Variants in PRKG1 observed in about 807,000 individuals in gnomAD.
PRKG1 encodes the protein cGMP-dependent protein kinase 1.
Under a neutral mutation model 88.1 loss-of-function variants are expected in PRKG1, and 35 were observed. The ratio of observed to expected loss-of-function variants is 0.40; its 90% confidence interval spans 0.30 to 0.53. The LOEUF (loss-of-function observed/expected upper bound fraction) is 0.53. Ranked by LOEUF, PRKG1 falls within the 20% of genes least tolerant of loss-of-function variation. The pLI is 0.59. For synonymous variants in PRKG1, 303 were observed against 292.5 expected, an observed-to-expected ratio of 1.04 and a Z score of -0.37; for missense variants, 540 against 839.8, an observed-to-expected ratio of 0.64 and a Z score of 4.41.
chr10:52,047,230 A>G (rs1035426732), intron 5 of PRKG1, among the ~76,000 whole-genome samples: 2 of 152,144 alleles, frequency 1.3e-5, no homozygotes, highest in Admixed American at 1.3e-4. Flanking sequence ...TAGGAAGGAG[A>G]GCATATTAAA....
intron 9 of PRKG1, among the ~76,000 whole-genome samples, chr10:52,239,919 C>T (rs1840814601): frequency 6.6e-6 from 1 of 152,144 alleles, no homozygotes; most frequent in East Asian, 1.9e-4. Context: ...TGGAAAGGCA[C>T]CAGTTTCTAA....
chr10:51,075,176 T>A (rs1243539014), intron 1 of PRKG1, among the ~76,000 whole-genome samples: 2 of 152,104 alleles, frequency 1.3e-5, no homozygotes, highest in Non-Finnish European at 2.9e-5. Context: ...GTACGTAGAG[T>A]TTGAACACGT....
At chr10:51,720,095 A>G (rs1841976128) in intron 3 of PRKG1, among the ~76,000 whole-genome samples, 1 of 152,182 alleles carries the variant, frequency 6.6e-6, no homozygotes, top group Non-Finnish European at 1.5e-5. Flanking sequence ...GGGCGGGAAA[A>G]GAGAAACTGT....
In PRKG1 at chr10:51,554,031, GTA is replaced by G. The variant is rs1454978826; in HGVS notation, c.592+86201_592+86202del. ...TATTATATGTGCGTATGTGATACGTGTATATATTATATGTGCGTATGTGATAC... is the reference window on the plus strand; with the variant it reads ...TATTATATGTGCGTATGTGATACGTGTATATTATATGTGCGTATGTGATAC... On this transcript the variant is annotated intron_variant, in intron 3 of 17. Coordinates refer to ENST00000373980, the MANE Select transcript of PRKG1 (RefSeq NM_006258.4). Among the ~76,000 whole-genome samples, 6 of 129,074 alleles carry G rather than the reference GTA, an allele frequency of 4.6e-5. 1 individual carries two copies. Among genetic ancestry groups the G allele is most frequent in the East Asian group, 2.2e-4 (1 of 4,520 alleles). The allele number at this position is 129,074 out of a possible 152,430, so 84.7% of individuals were successfully genotyped here.
intron 4 of PRKG1, among the ~76,000 whole-genome samples, chr10:51,861,604 C>CT (rs2132836080): frequency 6.6e-6 from 1 of 152,262 alleles, no homozygotes; most frequent in Non-Finnish European, 1.5e-5. Context: ...GCTCCTATAT[C>CT]TTTTTCATAA....
intron 4 of PRKG1, among the ~76,000 whole-genome samples, chr10:51,876,213 A>G (rs1841295560): frequency 7.0e-6 from 1 of 142,260 alleles, no homozygotes; most frequent in Non-Finnish European, 1.5e-5. Flanking sequence ...ATAGATATGT[A>G]TATTTGTGTT....
intron 2 of PRKG1, among the ~76,000 whole-genome samples, chr10:51,176,221 A>T (rs2132017113): frequency 6.6e-6 from 1 of 152,290 alleles, no homozygotes; most frequent in Middle Eastern, 3.4e-3. Context: ...AATAGATGTT[A>T]GACTCATTTC....
intron 3 of PRKG1, among the ~76,000 whole-genome samples, chr10:51,684,193 C>T (rs1840924903): frequency 6.6e-6 from 1 of 152,098 alleles, no homozygotes; most frequent in Non-Finnish European, 1.5e-5. Context: ...AATAATGCTA[C>T]AACATGGATA....
intron 1 of PRKG1, among the ~76,000 whole-genome samples, chr10:51,066,401 G>C (rs1253368886): frequency 6.6e-6 from 1 of 152,054 alleles, no homozygotes; most frequent in African/African-American, 2.4e-5. Context: ...GCCACAGGCT[G>C]GGCAAATTGT....
At chr10:51,529,849 G>A (rs1257443413) in intron 3 of PRKG1, among the ~76,000 whole-genome samples, 1 of 152,168 alleles carries the variant, frequency 6.6e-6, no homozygotes, top group East Asian at 1.9e-4. Flanking sequence ...AAATGTAAGG[G>A]ATGGTTATTG....
chr10:51,570,067 A>ATATATATATGTG (rs1491310201), intron 3 of PRKG1, among the ~76,000 whole-genome samples: 1 of 113,078 alleles, frequency 8.8e-6, no homozygotes, highest in Non-Finnish European at 1.9e-5. Flanking sequence ...ATATATATAT[A>ATATATATATGTG]TGTGTGTGTG....
chr10:52,288,641 G>A, intron 14 of PRKG1, 85 bp from the exon 15 acceptor site: 2 of 1,337,240 alleles, frequency 1.5e-6, no homozygotes, highest in South Asian at 1.7e-5. Flanking sequence ...ATGAATTGAT[G>A]TCATCTGTGG....
In PRKG1 at chr10:50,991,347, G is replaced by T; in HGVS notation, c.-32G>T. ...CGCCGCCGCCGCCGCCGCCGCCCGA[G>T]AAAAAGTTTCGCGGAGGGGCTCAGT... On this transcript the variant is annotated 5_prime_UTR_variant, in exon 1 of 18. Transcript: ENST00000401604. The surrounding 1 kb of genome is among the most constrained non-coding windows in gnomAD (Gnocchi z 4.5). 6.8e-7 allele frequency: 1 copy of T among 1,478,542 alleles called. No individual in the cohort carries two copies. Among genetic ancestry groups the T allele is most frequent in the African/African-American group, 1.6e-5 (1 of 63,874 alleles). 91.6% of individuals were successfully genotyped at this position (1,478,542 alleles called of 1,614,324 possible). A position where few individuals can be genotyped will look rare whatever the true frequency, so the allele number is the denominator to read the frequency against.
chr10:52,072,431 T>G (rs1564456872), intron 7 of PRKG1, among the ~76,000 whole-genome samples: 1 of 152,088 alleles, frequency 6.6e-6, no homozygotes, highest in Non-Finnish European at 1.5e-5. Flanking sequence ...AAGAGGAGAT[T>G]AAAATAATTG....
chr10:50,996,829 C>T (rs1176593783), intron 1 of PRKG1, among the ~76,000 whole-genome samples: 2 of 152,186 alleles, frequency 1.3e-5, no homozygotes, highest in Non-Finnish European at 2.9e-5. Context: ...CCTGTTACCT[C>T]TTTCTGATGA....
At chr10:51,170,461 C>A (rs887311084) in intron 2 of PRKG1, among the ~76,000 whole-genome samples, 1 of 151,568 alleles carries the variant, frequency 6.6e-6, no homozygotes, top group Non-Finnish European at 1.5e-5. Context: ...CACACACACA[C>A]ACACACACAA....
intron 3 of PRKG1, among the ~76,000 whole-genome samples, chr10:51,719,079 G>A (rs1317165149): frequency 2.0e-5 from 3 of 152,080 alleles, no homozygotes; most frequent in African/African-American, 4.8e-5. Context: ...AGCCCAAGGA[G>A]TTCAAGATTG....
intron 5 of PRKG1, among the ~76,000 whole-genome samples, chr10:51,956,776 C>T (rs1843313839): frequency 6.6e-6 from 1 of 151,610 alleles, no homozygotes; most frequent in South Asian, 2.1e-4. Context: ...CACTCTGTAC[C>T]ATGTAGTTAT....
intron 4 of PRKG1, among the ~76,000 whole-genome samples, chr10:51,870,460 C>A (rs998289530): frequency 6.6e-6 from 1 of 151,754 alleles, no homozygotes; most frequent in Non-Finnish European, 1.5e-5. Context: ...GAAGTTTAAA[C>A]CTAGGAGATA....
Sources: allele counts gnomAD v4.1 joint callset (sites outside exome capture counted in the v4.1 genomes callset), GRCh38; gene constraint gnomAD v4.1.1; non-coding constraint Gnocchi (gnomAD v3.1); transcripts MANE v1.5; gene names NCBI Gene and HGNC (gene_info 2026-07-23, HGNC 2026-07-21).